Variants in AKR1B15 observed in about 807,000 individuals in gnomAD.
AKR1B15 encodes aldo-keto reductase family 1 member B15.
Under a neutral mutation model 38.5 loss-of-function variants are expected in AKR1B15, and 49 were observed. The ratio of observed to expected loss-of-function variants is 1.27; its 90% CI spans 1.01 to 1.62. The LOEUF (loss-of-function observed/expected upper bound fraction) is 1.62. AKR1B15 is among the 40% of genes most tolerant of loss of function. AKR1B15 has a pLI of 0.00. For missense variants in AKR1B15, 411 were observed against 381.6 expected (o/e 1.08, Z -0.64); for synonymous variants, 137 against 135.5 (o/e 1.01, Z -0.08).
intron 3 of AKR1B15, among the ~76,000 whole-genome samples, 159 bp from the exon 4 acceptor site, chr7:134,567,999 G>A (rs569926847): frequency 6.6e-6 from 1 of 152,230 alleles, no homozygotes; most frequent in South Asian, 2.1e-4. Flanking sequence ...CTGGGGATAA[G>A]AGAATATGGT....
chr7:134,577,002 A>T lies in AKR1B15; in HGVS notation c.865A>T (p.Ile289Phe), dbSNP rs1416663014. 1.9e-6 allele frequency: 3 copies of T among 1,613,940 alleles called. No individual in the cohort carries two copies. The highest frequency in any genetic ancestry group is 2.5e-6 in the Non-Finnish European group (3 of 1,179,870). Residue 289 changes from isoleucine to phenylalanine, a missense_variant, in exon 10 of 12, where the codon ATC becomes TTC. Around this residue, in one of 3 missense-constraint regions of AKR1B15, gnomAD observed 133 missense variants for 120.3 expected, o/e 1.11. Coordinates refer to ENST00000457545, the MANE Select transcript of AKR1B15 (RefSeq NM_001080538.3). ...CCATATCCAGAGGAATGTGACAGTG[A>T]TCCCCAAGTCTATGACACCAGCACA... ...RFHIQRNVTV[I>F]PKSMTPAHIV...
In AKR1B15 at chr7:134,568,168, G is replaced by A. The variant is rs1304928591; in HGVS notation, c.161G>A (p.Gly54Asp). 1.9e-6 allele frequency: 3 copies of A among 1,613,902 alleles called. No individual in the cohort carries two copies. Among genetic ancestry groups the A allele is most frequent in the African/African-American group, 2.7e-5 (2 of 74,894 alleles). Residue 54 changes from glycine to aspartate, a missense_variant, in exon 4 of 12, where the codon GGC (glycine) becomes GAC (aspartate). Gly to Asp is a moderately conservative substitution (Grantham distance 94, BLOSUM62 -1). Around this residue, in one of 3 missense-constraint regions of AKR1B15, gnomAD observed 254 missense variants for 212.4 expected, o/e 1.20. Coordinates refer to ENST00000457545, the MANE Select transcript of AKR1B15 (RefSeq NM_001080538.3). ...TCTTTTGCTTTTCAGTCTCTTCTCG[G>A]CAAAGTGAAAGAAGCGGTGAAGGTG... ...LLRPYPASLL[G>D]KVKEAVKVAI...
At chr7:134,558,407 C>T (rs561853540) in intron 2 of AKR1B15, among the ~76,000 whole-genome samples, 8 of 152,128 alleles carry the variant, frequency 5.3e-5, no homozygotes, top group African/African-American at 1.2e-4. Context: ...GTAGTTAAAG[C>T]GCTAATTGAA....
chr7:134,558,408 G>A (rs778410417), intron 2 of AKR1B15, among the ~76,000 whole-genome samples: 2 of 152,122 alleles, frequency 1.3e-5, no homozygotes, highest in Admixed American at 6.5e-5. Flanking sequence ...TAGTTAAAGC[G>A]CTAATTGAAA....
intron 5 of AKR1B15, chr7:134,570,533 A>G (rs866684458): frequency 6.6e-6 from 1 of 152,168 alleles, no homozygotes; most frequent in Non-Finnish European, 1.5e-5. Flanking sequence ...ACCCAGCTTT[A>G]AAAATTTCTC....
Position 134,579,489 on chromosome 7 carries a change from TTTTC to T in AKR1B15, c.993-16_993-13del. On this transcript the variant is annotated splice_polypyrimidine_tract_variant and intron_variant, in intron 11 of 11. Transcript: ENST00000457545. ...TTGATGGAACACAGTTTCTTTTTTT[TTTTC>T]TCTCTCTCTGTAGATTCTCTCATTT... 6.4e-7 allele frequency: 1 copy of T among 1,568,560 alleles called. No individual in the cohort carries two copies. The highest frequency in any genetic ancestry group is 1.2e-5 in the South Asian group (1 of 83,252).
Position 134,550,552 on chromosome 7 carries a change from A to T in AKR1B15, c.-147+1303A>T, listed in dbSNP as rs547451669. ...TAGATCTCGAAGCTTGAGGAGACAG[A>T]CCTTATGTGGCAAGAAATATTGGCT... On this transcript the variant is annotated intron_variant, in intron 1 of 11. Coordinates refer to ENST00000457545, the MANE Select transcript of AKR1B15 (RefSeq NM_001080538.3). Among the ~76,000 whole-genome samples, 22 of 152,186 alleles carry T rather than the reference A, an allele frequency of 1.4e-4. 1 individual carries two copies. In the South Asian group the frequency reaches 4.4e-3, roughly 30 times the overall value.
intron 3 of AKR1B15, among the ~76,000 whole-genome samples, chr7:134,566,740 G>C (rs1025513708): frequency 2.0e-5 from 3 of 152,028 alleles, no homozygotes; most frequent in Admixed American, 6.6e-5. Context: ...CCTCTCCTGT[G>C]CCGAGCTGGA....
At chr7:134,573,000 G>A (rs1475504275) in intron 6 of AKR1B15, among the ~76,000 whole-genome samples, 5 of 152,110 alleles carry the variant, frequency 3.3e-5, no homozygotes, top group Admixed American at 6.5e-5. Context: ...TTTTTTCTGT[G>A]TATTGTTTGT....
chr7:134,551,166 C>A (rs1355130718), intron 1 of AKR1B15, among the ~76,000 whole-genome samples: 2 of 152,160 alleles, frequency 1.3e-5, no homozygotes, highest in East Asian at 1.9e-4. Flanking sequence ...CACCCTATAA[C>A]CCTCCTCCTC....
intron 5 of AKR1B15, chr7:134,570,588 G>T (rs1378236580): frequency 6.6e-6 from 1 of 152,098 alleles, no homozygotes; most frequent in Non-Finnish European, 1.5e-5. Context: ...CCAACACTTA[G>T]GGAAATAGAA....
intron 5 of AKR1B15, among the ~76,000 whole-genome samples, chr7:134,571,038 A>G (rs1316899729): frequency 6.6e-6 from 1 of 152,182 alleles, no homozygotes; most frequent in Non-Finnish European, 1.5e-5. Context: ...AGAAAAGTCC[A>G]AGTATGGTGA....
intron 1 of AKR1B15, among the ~76,000 whole-genome samples, chr7:134,553,187 G>A (rs1382785685): frequency 6.6e-6 from 1 of 152,132 alleles, no homozygotes; most frequent in Non-Finnish European, 1.5e-5. Flanking sequence ...ATGAATTCCT[G>A]GGCACCGTGG....
intron 2 of AKR1B15, among the ~76,000 whole-genome samples, chr7:134,560,531 C>T (rs1794355459): frequency 6.6e-6 from 1 of 152,108 alleles, no homozygotes; most frequent in Admixed American, 6.5e-5. Context: ...ATAGATATAC[C>T]TTCTTAATCT....
At chr7:134,566,591 C>T (rs1041955067) in intron 3 of AKR1B15, among the ~76,000 whole-genome samples, 2 of 152,154 alleles carry the variant, frequency 1.3e-5, no homozygotes, top group Non-Finnish European at 2.9e-5. Context: ...TTGCCATTTC[C>T]ATCCATGATA....
At chr7:134,572,624 T>C (rs1303104538) in intron 6 of AKR1B15, among the ~76,000 whole-genome samples, 2 of 146,916 alleles carry the variant, frequency 1.4e-5, no homozygotes, top group African/African-American at 5.0e-5. Flanking sequence ...CAAGACACCA[T>C]CTTGAAGAAA....
At chr7:134,564,857 G>A in intron 3 of AKR1B15, 88 bp downstream of exon 3, 1 of 527,266 alleles carries the variant, frequency 1.9e-6, no homozygotes, top group East Asian at 3.1e-5. Flanking sequence ...AAGCCAGCTG[G>A]ACTTCCTGGG....
chr7:134,573,288 C>T (rs1248395712), intron 6 of AKR1B15: 2 of 856,934 alleles, frequency 2.3e-6, no homozygotes, highest in East Asian at 1.2e-4. Flanking sequence ...GTCTCAGCCT[C>T]CCAAAGTGTT....
intron 3 of AKR1B15, chr7:134,565,035 C>A (rs750074193): frequency 4.2e-5 from 14 of 330,678 alleles, no homozygotes; most frequent in Non-Finnish European, 7.2e-5. Flanking sequence ...CACCAATCAG[C>A]ACTCTGTAAA....
Sources: gnomAD v4.1 joint callset for allele counts (sites outside exome capture counted in the v4.1 genomes callset) on GRCh38, gnomAD v4.1.1 for gene constraint, gnomAD v4.1.1 regional missense constraint, MANE v1.5 for transcripts, NCBI Gene and HGNC (gene_info 2026-07-23, HGNC 2026-07-21) for gene names.